Variants in ZNF438 observed in about 807,000 individuals in gnomAD.
ZNF438 encodes the protein zinc finger protein 438.
ZNF438 carries 25 observed loss-of-function variants against 38.0 expected under a neutral mutation model. The ratio of observed to expected loss-of-function variants is 0.66; its 90% confidence interval spans 0.48 to 0.92. ZNF438 has a LOEUF of 0.92. Ranked by LOEUF, ZNF438 falls within the 40% of genes least tolerant of loss-of-function variation. ZNF438 has a pLI of 0.00. For missense variants in ZNF438, 1,007 were observed against 999.6 expected (o/e 1.01, Z -0.10); for synonymous variants, 372 against 364.1 (o/e 1.02, Z -0.25).
intron 1 of ZNF438, among the ~76,000 whole-genome samples, chr10:30,945,824 C>T (rs2047344752): frequency 4.7e-5 from 5 of 106,366 alleles, no homozygotes; most frequent in African/African-American, 1.9e-4. Context: ...TGGGTTGGTT[C>T]CAAGTCTTTG....
At chr10:30,915,551 A>G (rs1460408119) in intron 2 of ZNF438, among the ~76,000 whole-genome samples, 1 of 151,836 alleles carries the variant, frequency 6.6e-6, no homozygotes, top group Non-Finnish European at 1.5e-5. Context: ...ATGTAGGACT[A>G]TATAGGAAGC....
At chr10:30,960,755 G>A (rs542791093) in intron 1 of ZNF438, among the ~76,000 whole-genome samples, 2 of 146,408 alleles carry the variant, frequency 1.4e-5, no homozygotes, top group Admixed American at 1.4e-4. Context: ...ACTGTACTAA[G>A]TGTACTTAGT....
intron 1 of ZNF438, among the ~76,000 whole-genome samples, chr10:30,996,138 A>G (rs1564818344): frequency 6.6e-6 from 1 of 152,178 alleles, no homozygotes; most frequent in Non-Finnish European, 1.5e-5. Flanking sequence ...TTAAAGCATC[A>G]CACTACAATA....
At chr10:31,004,759 T>A (rs2054965772) in intron 1 of ZNF438, among the ~76,000 whole-genome samples, 1 of 151,920 alleles carries the variant, frequency 6.6e-6, no homozygotes, top group Non-Finnish European at 1.5e-5. Context: ...CTAGGCTGGA[T>A]AAGGAAGGAA....
chr10:30,972,778 A>G (rs2050889192), intron 1 of ZNF438, among the ~76,000 whole-genome samples: 1 of 152,220 alleles, frequency 6.6e-6, no homozygotes, highest in Non-Finnish European at 1.5e-5. Flanking sequence ...TACCTCAAAG[A>G]GCCATGGGAT....
chr10:30,869,133 G>A (rs2036956268), intron 4 of ZNF438, among the ~76,000 whole-genome samples: 1 of 152,186 alleles, frequency 6.6e-6, no homozygotes, highest in Non-Finnish European at 1.5e-5. Flanking sequence ...AGCACTTTGG[G>A]AGGCCAAGGC....
intron 2 of ZNF438, among the ~76,000 whole-genome samples, chr10:30,929,460 C>G (rs546122935): frequency 4.6e-5 from 7 of 152,204 alleles, no homozygotes; most frequent in African/African-American, 1.7e-4. Flanking sequence ...TCTCGCTGGC[C>G]TCAGAAGTGA....
intron 1 of ZNF438, among the ~76,000 whole-genome samples, chr10:30,975,434 T>G (rs2051232962): frequency 6.6e-6 from 1 of 152,176 alleles, no homozygotes; most frequent in Admixed American, 6.5e-5. Context: ...CCACGCCCTG[T>G]GTTACCTGAT....
At chr10:31,031,582 C>A (rs1243347387) in intron 1 of ZNF438, among the ~76,000 whole-genome samples, 1 of 152,244 alleles carries the variant, frequency 6.6e-6, no homozygotes, top group African/African-American at 2.4e-5. Context: ...CGCTCCCAGG[C>A]TCGGAGACGC....
intron 1 of ZNF438, among the ~76,000 whole-genome samples, chr10:30,969,816 G>GT (rs1316954906): frequency 1.3e-5 from 2 of 149,240 alleles, no homozygotes; most frequent in Non-Finnish European, 3.0e-5. Flanking sequence ...CCAAAGCAAG[G>GT]TAAGTTTTTA....
At chr10:31,008,124 T>C (rs2055334418) in intron 1 of ZNF438, among the ~76,000 whole-genome samples, 1 of 152,220 alleles carries the variant, frequency 6.6e-6, no homozygotes, top group Non-Finnish European at 1.5e-5. Context: ...AGTTGAGTCA[T>C]GGCATAAAAA....
At chr10:30,945,537 T>A (rs2047305517) in intron 1 of ZNF438, among the ~76,000 whole-genome samples, 2 of 151,738 alleles carry the variant, frequency 1.3e-5, no homozygotes, top group African/African-American at 4.9e-5. Flanking sequence ...TATCTCCCAA[T>A]GTTATCCCTC....
At chr10:30,901,406 C>G (rs535150507) in intron 3 of ZNF438, among the ~76,000 whole-genome samples, 1 of 151,292 alleles carries the variant, frequency 6.6e-6, no homozygotes, top group South Asian at 2.1e-4. Context: ...TTCTTAAAGG[C>G]GGCACGTCCG....
chr10:30,933,025 C>G (rs1425573167), intron 2 of ZNF438, among the ~76,000 whole-genome samples: 5 of 152,190 alleles, frequency 3.3e-5, no homozygotes, highest in Admixed American at 2.6e-4. Context: ...AGATTTCTAG[C>G]CTTTAGAACT....
At chr10:30,990,498 T>A (rs2053369757) in intron 1 of ZNF438, among the ~76,000 whole-genome samples, 1 of 152,180 alleles carries the variant, frequency 6.6e-6, no homozygotes, top group African/African-American at 2.4e-5. Flanking sequence ...ATCTCCTGAA[T>A]CAGAAGGTTT....
chr10:30,936,262 T>C (rs1395141479), intron 2 of ZNF438, among the ~76,000 whole-genome samples: 2 of 152,232 alleles, frequency 1.3e-5, no homozygotes, highest in Non-Finnish European at 2.9e-5. Flanking sequence ...AAGTGGGCAC[T>C]TGATAAATGT....
At chr10:30,872,748 T>G (rs1294496773) in intron 4 of ZNF438, among the ~76,000 whole-genome samples, 1 of 34,946 alleles carries the variant, frequency 2.9e-5, no homozygotes, top group Middle Eastern at 0.012. Context: ...AGACTCTGTC[T>G]CAAAAAAAAA....
At chr10:30,926,317 C>G (rs952068838) in intron 2 of ZNF438, among the ~76,000 whole-genome samples, 7 of 152,132 alleles carry the variant, frequency 4.6e-5, no homozygotes, top group Admixed American at 4.6e-4. Flanking sequence ...ACTTCAAAAG[C>G]AGAACAAGTG....
intron 1 of ZNF438, among the ~76,000 whole-genome samples, chr10:30,959,000 C>A (rs2049172035): frequency 6.8e-6 from 1 of 146,932 alleles, no homozygotes; most frequent in African/African-American, 2.4e-5. Flanking sequence ...TTATTAATAT[C>A]TATTACAAAT....
Sources: allele counts gnomAD v4.1 joint callset (sites outside exome capture counted in the v4.1 genomes callset), GRCh38; gene constraint gnomAD v4.1.1; transcripts MANE v1.5; gene names NCBI Gene and HGNC (gene_info 2026-07-23, HGNC 2026-07-21).